The following HS3ST3A1 variants were observed in gnomAD, a reference collection of about 807,000 sequenced individuals.
HS3ST3A1 encodes heparan sulfate glucosamine 3-O-sulfotransferase 3A1.
Under a neutral mutation model 25.7 loss-of-function variants are expected in HS3ST3A1, and 19 were observed. That is an observed-to-expected ratio of 0.74 (90% CI 0.52 to 1.08). The LOEUF is 1.08. Among genes scored for constraint, HS3ST3A1 ranks in the 50% least tolerant of loss-of-function variants. HS3ST3A1 has a pLI of 0.00. For missense variants in HS3ST3A1, 459 were observed against 594.3 expected (o/e 0.77, Z 2.37); for synonymous variants, 226 against 278.6 (o/e 0.81, Z 1.88).
At chr17:13,551,887 T>C (rs2142357120) in intron 1 of HS3ST3A1, among the ~76,000 whole-genome samples, 1 of 152,322 alleles carries the variant, frequency 6.6e-6, no homozygotes, top group Non-Finnish European at 1.5e-5. Context: ...TGAGGATTAC[T>C]AGCTAACGCT....
chr17:13,562,367 C>A (rs540086228), intron 1 of HS3ST3A1, among the ~76,000 whole-genome samples: 2 of 152,090 alleles, frequency 1.3e-5, no homozygotes, highest in African/African-American at 4.8e-5. Flanking sequence ...GTCTATTCTG[C>A]GAACATTTCA....
At chr17:13,540,308 G>A (rs2142343146) in intron 1 of HS3ST3A1, among the ~76,000 whole-genome samples, 1 of 152,102 alleles carries the variant, frequency 6.6e-6, no homozygotes, top group East Asian at 1.9e-4. Context: ...AAGGGTTCAG[G>A]GTTAAACATT....
At chr17:13,500,825 C>A (rs1038311640) in intron 1 of HS3ST3A1, among the ~76,000 whole-genome samples, 1 of 152,162 alleles carries the variant, frequency 6.6e-6, no homozygotes, top group East Asian at 1.9e-4. Context: ...TTCTTCTCCC[C>A]ATAGAACTCA....
intron 1 of HS3ST3A1, among the ~76,000 whole-genome samples, chr17:13,518,821 G>T (rs1394906219): frequency 6.6e-6 from 1 of 152,206 alleles, no homozygotes; most frequent in Non-Finnish European, 1.5e-5. Flanking sequence ...GCCAAGATCA[G>T]CAGAGCCATC....
intron 1 of HS3ST3A1, among the ~76,000 whole-genome samples, chr17:13,551,485 C>G (rs1907242903): frequency 6.6e-6 from 1 of 151,958 alleles, no homozygotes; most frequent in Non-Finnish European, 1.5e-5. Context: ...GATAGATAAA[C>G]AGTCCCACCA....
At chr17:13,586,184 G>C (rs1315512463) in intron 1 of HS3ST3A1, among the ~76,000 whole-genome samples, 1 of 151,918 alleles carries the variant, frequency 6.6e-6, no homozygotes, top group Non-Finnish European at 1.5e-5. Flanking sequence ...ACTAATAACT[G>C]AACTACTCTC....
At chr17:13,591,223 T>G (rs953558596) in intron 1 of HS3ST3A1, among the ~76,000 whole-genome samples, 1 of 151,874 alleles carries the variant, frequency 6.6e-6, no homozygotes, top group Non-Finnish European at 1.5e-5. Context: ...TCTTTTGTAT[T>G]TTGGGTAGAG....
intron 1 of HS3ST3A1, among the ~76,000 whole-genome samples, chr17:13,550,664 C>T (rs996453110): frequency 1.3e-5 from 2 of 151,982 alleles, no homozygotes; most frequent in Non-Finnish European, 2.9e-5. Context: ...AAGACAAATG[C>T]GGTACTTACT....
In HS3ST3A1 at chr17:13,594,480, A is replaced by G. The variant is rs555522145; in HGVS notation, c.599+6051T>C. Among the ~76,000 whole-genome samples, 52 of 152,274 alleles carry G rather than the reference A, an allele frequency of 3.4e-4. 1 individual carries two copies. Among genetic ancestry groups the G allele is most frequent in the African/African-American group, 1.2e-3 (49 of 41,552 alleles). On this transcript the variant is annotated intron_variant, in intron 1 of 1. Coordinates refer to ENST00000284110, the MANE Select transcript of HS3ST3A1 (RefSeq NM_006042.3). ...GTTAAACAGGCTTCTGTTTAGAATG[A>G]CAGGATCCTCCTCCAGAGCCACACA...
chr17:13,578,350 C>A (rs552805426), intron 1 of HS3ST3A1, among the ~76,000 whole-genome samples: 14 of 149,450 alleles, frequency 9.4e-5, no homozygotes, highest in African/African-American at 3.5e-4. Flanking sequence ...GAGTTCAAGA[C>A]CAGCCCGGCC....
Position 13,496,624 on chromosome 17 carries a change from G to A in HS3ST3A1, c.794C>T (p.Thr265Ile), listed in dbSNP as rs1415862721. The change falls in exon 2 of 2, where the codon ACC becomes ATC. Residue 265 changes from threonine to isoleucine, a missense_variant. Physicochemically the swap from Thr to Ile is moderately conservative, Grantham distance 89. Transcript: ENST00000284110. Reference protein sequence around the residue: ...QTLSKRPDIPTFESLTFKNRT... With the variant: ...QTLSKRPDIPIFESLTFKNRT... ...GTTTTTGAACGTCAAGCTCTCGAAGGTGGGGATGTCGGGCCGCTTGGACAG... is the reference window on the plus strand; with the variant it reads ...GTTTTTGAACGTCAAGCTCTCGAAGATGGGGATGTCGGGCCGCTTGGACAG... 6 of 1,612,368 alleles carry A rather than the reference G, an allele frequency of 3.7e-6. No individual in the cohort carries two copies. The highest frequency in any genetic ancestry group is 1.7e-5 in the Admixed American group (1 of 59,902).
At chr17:13,514,711 G>A (rs1020806456) in intron 1 of HS3ST3A1, among the ~76,000 whole-genome samples, 2 of 152,200 alleles carry the variant, frequency 1.3e-5, no homozygotes, top group South Asian at 2.1e-4. Context: ...TTGAGGAAAC[G>A]TTGCCAGAGA....
Position 13,496,807 on chromosome 17 carries a change from G to C in HS3ST3A1, c.611C>G (p.Pro204Arg), listed in dbSNP as rs763089364. 1.4e-5 allele frequency: 23 copies of C among 1,611,178 alleles called. No individual in the cohort carries two copies. The highest frequency in any genetic ancestry group is 1.9e-5 in the Non-Finnish European group (22 of 1,178,528). ...GGTGATCTGCCCGTCCAGGGTTCTG[G>C]GCATCAGGTCCCTGAGAAACGCAAA... ...KGLAWYRDLM[P>R]RTLDGQITME... The change falls in exon 2 of 2, where the codon CCC (proline) becomes CGC (arginine). Residue 204 changes from proline to arginine, a missense_variant. By Grantham distance (103) the Pro-to-Arg change is moderately radical (BLOSUM62 -2). Transcript: ENST00000284110.
chr17:13,591,096 G>A (rs1471983065), intron 1 of HS3ST3A1, among the ~76,000 whole-genome samples: 4 of 148,622 alleles, frequency 2.7e-5, no homozygotes, highest in Admixed American at 2.7e-4. Flanking sequence ...AGCCAGACTG[G>A]AGTGCAGTGG....
intron 1 of HS3ST3A1, among the ~76,000 whole-genome samples, chr17:13,532,799 A>G (rs1257128433): frequency 1.3e-5 from 2 of 151,666 alleles, no homozygotes; most frequent in Admixed American, 6.6e-5. Context: ...GTTTTTTATC[A>G]TCTTTGTTGA....
chr17:13,597,291 A>C (rs1486957893), intron 1 of HS3ST3A1, among the ~76,000 whole-genome samples: 1 of 152,066 alleles, frequency 6.6e-6, no homozygotes, highest in Admixed American at 6.6e-5. Flanking sequence ...AAAGAGACAT[A>C]CCTTTTAGTT....
At chr17:13,548,985 C>T (rs1907168418) in intron 1 of HS3ST3A1, among the ~76,000 whole-genome samples, 1 of 152,230 alleles carries the variant, frequency 6.6e-6, no homozygotes, top group Non-Finnish European at 1.5e-5. Context: ...AACTGGCCAC[C>T]CGAGCCCGCA....
intron 1 of HS3ST3A1, among the ~76,000 whole-genome samples, chr17:13,572,094 A>G (rs1362774542): frequency 2.0e-5 from 3 of 152,206 alleles, no homozygotes; most frequent in Non-Finnish European, 4.4e-5. Context: ...ACTCCACAGG[A>G]AAATGCTTTT....
intron 1 of HS3ST3A1, among the ~76,000 whole-genome samples, chr17:13,600,135 A>G (rs1017159002): frequency 1.3e-5 from 2 of 152,250 alleles, no homozygotes; most frequent in African/African-American, 4.8e-5. Flanking sequence ...ACTTTCCAAA[A>G]GATAAAGAAT....
Sources: allele counts gnomAD v4.1 joint callset (sites outside exome capture counted in the v4.1 genomes callset), GRCh38; gene constraint gnomAD v4.1.1; transcripts MANE v1.5; gene names NCBI Gene and HGNC (gene_info 2026-07-23, HGNC 2026-07-21).